PRKAR1B: variants seen among roughly 807,000 people sequenced by gnomAD.
The protein encoded by PRKAR1B is cAMP-dependent protein kinase type I-beta regulatory subunit.
In PRKAR1B, 22 loss-of-function variants were observed where a neutral mutation model predicts 46.5. The ratio of observed to expected loss-of-function variants is 0.47; its 90% CI spans 0.34 to 0.68. The LOEUF (loss-of-function observed/expected upper bound fraction) is 0.68. PRKAR1B is among the 30% of genes least tolerant of loss of function. The pLI, the probability that PRKAR1B is intolerant of heterozygous loss-of-function variation, is 0.01. For missense variants in PRKAR1B, 445 were observed against 535.6 expected, an observed-to-expected ratio of 0.83 and a Z score of 1.67; for synonymous variants, 259 against 217.7, an observed-to-expected ratio of 1.19 and a Z score of -1.67.
At chr7:588,629 G>GATA (rs1780759992) in intron 7 of PRKAR1B, among the ~76,000 whole-genome samples, 1 of 143,840 alleles carries the variant, frequency 7.0e-6, no homozygotes. Flanking sequence ...TGGTGATGGT[G>GATA]GTGATGGTGA....
intron 4 of PRKAR1B, among the ~76,000 whole-genome samples, chr7:617,854 G>A (rs929057305): frequency 6.6e-6 from 1 of 152,168 alleles, no homozygotes; most frequent in African/African-American, 2.4e-5. Context: ...GCTGGAACTC[G>A]CAGCCTCTAT....
intron 9 of PRKAR1B, among the ~76,000 whole-genome samples, chr7:555,150 G>A (rs529682942): frequency 6.6e-6 from 1 of 152,208 alleles, no homozygotes; most frequent in East Asian, 1.9e-4. Flanking sequence ...GCCAGAGAGG[G>A]TCTCACGCTT....
intron 2 of PRKAR1B, among the ~76,000 whole-genome samples, chr7:698,475 C>T (rs1431317572): frequency 1.3e-5 from 2 of 151,352 alleles, no homozygotes; most frequent in Admixed American, 1.3e-4. Flanking sequence ...TATCTAGGTA[C>T]GTATGTGTTA....
chr7:615,300 C>T (rs1782738348), intron 4 of PRKAR1B, among the ~76,000 whole-genome samples: 1 of 151,578 alleles, frequency 6.6e-6, no homozygotes, highest in Admixed American at 6.6e-5. Context: ...TGATGGGCGC[C>T]TGTAATCCCA....
chr7:685,884 A>T (rs1376897329), intron 2 of PRKAR1B, among the ~76,000 whole-genome samples: 3 of 152,214 alleles, frequency 2.0e-5, no homozygotes, highest in Non-Finnish European at 2.9e-5. Flanking sequence ...CTAGTTTTTT[A>T]AAAAATATAT....
intron 4 of PRKAR1B, among the ~76,000 whole-genome samples, chr7:660,620 C>G (rs138321247): frequency 6.4e-5 from 7 of 109,374 alleles, no homozygotes; most frequent in East Asian, 3.5e-4. Context: ...TACTCTCCCC[C>G]CCATAGCACA....
Position 685,286 on chromosome 7 carries a change from ATATGTATACATATATATATACG to A in PRKAR1B, c.178-4582_178-4561del, listed in dbSNP as rs1294477526. Among the ~76,000 whole-genome samples the A allele has an allele frequency of 3.3e-3, 39 of 11,708 alleles. 6 individuals carry two copies. The highest frequency in any genetic ancestry group is 0.028 in the South Asian group (7 of 250). The allele number at this position is 11,708 out of a possible 152,430, so 7.7% of individuals were successfully genotyped here. On this transcript the variant is annotated intron_variant, in intron 2 of 10. Transcript: ENST00000537384. ...CATATATACGTATATATACGTATAT[ATATGTATACATATATATATACG>A]TATATATACGTATATATACGTATAT... is the stretch of plus-strand genomic sequence containing the variant.
chr7:722,917 T>C (rs1781123763), intron 1 of PRKAR1B, among the ~76,000 whole-genome samples: 1 of 150,476 alleles, frequency 6.6e-6, no homozygotes, highest in Admixed American at 6.6e-5. Context: ...GTTTTTGTGG[T>C]CTGTCATTCC....
At chr7:616,892 A>T (rs904887909) in intron 4 of PRKAR1B, among the ~76,000 whole-genome samples, 2 of 152,128 alleles carry the variant, frequency 1.3e-5, no homozygotes, top group Non-Finnish European at 2.9e-5. Context: ...TTCTCCATCC[A>T]ATCAAAACAG....
rs150854806 is a variant in PRKAR1B, at chr7:561,405, T to C, written c.892-9935A>G. 3.8e-3 allele frequency among the ~76,000 whole-genome samples: 577 copies of C among 152,318 alleles called. 6 individuals carry two copies. Among genetic ancestry groups the C allele is most frequent in the African/African-American group, 0.013 (543 of 41,572 alleles). On this transcript the variant is annotated intron_variant, in intron 9 of 10. Transcript: ENST00000537384. ...TTTTTATGTTTTTTTAAGCAACCGT[T>C]GCAATAACTGTTTTTTCCACATGGA...
At chr7:679,962 T>C (rs548045136) in intron 3 of PRKAR1B, among the ~76,000 whole-genome samples, 1 of 151,940 alleles carries the variant, frequency 6.6e-6, no homozygotes, top group African/African-American at 2.4e-5. Context: ...ATTGAGACCA[T>C]CCTGGCTAAC....
At chr7:633,013 C>T (rs919368568) in intron 4 of PRKAR1B, among the ~76,000 whole-genome samples, 2 of 152,240 alleles carry the variant, frequency 1.3e-5, no homozygotes, top group Non-Finnish European at 2.9e-5. Flanking sequence ...GCGCGCGGGT[C>T]GTAGTGAGAT....
intron 2 of PRKAR1B, among the ~76,000 whole-genome samples, chr7:702,451 T>G (rs773821837): frequency 6.6e-6 from 1 of 152,184 alleles, no homozygotes; most frequent in Non-Finnish European, 1.5e-5. Context: ...GGTTGAAAAC[T>G]TGCCAAATTT....
chr7:576,264 C>T (rs1281962247), intron 9 of PRKAR1B, among the ~76,000 whole-genome samples: 2 of 152,206 alleles, frequency 1.3e-5, no homozygotes, highest in Non-Finnish European at 2.9e-5. Context: ...GGAATCACGG[C>T]TGGGGTCACT....
chr7:679,112 G>A (rs1212879724), intron 3 of PRKAR1B, among the ~76,000 whole-genome samples: 2 of 152,154 alleles, frequency 1.3e-5, no homozygotes, highest in East Asian at 3.8e-4. Context: ...TAAATGTTTT[G>A]TTTTCAAATA....
At chr7:556,904 C>T (rs1778478655) in intron 9 of PRKAR1B, among the ~76,000 whole-genome samples, 1 of 152,228 alleles carries the variant, frequency 6.6e-6, no homozygotes, top group Non-Finnish European at 1.5e-5. Context: ...CCTCCCCCGG[C>T]TCCCAGGGTA....
chr7:575,969 A>G (rs549827377), intron 9 of PRKAR1B, among the ~76,000 whole-genome samples: 1 of 151,904 alleles, frequency 6.6e-6, no homozygotes, highest in South Asian at 2.1e-4. Context: ...TCCTCTGCTC[A>G]TGGGCAAATG....
intron 9 of PRKAR1B, among the ~76,000 whole-genome samples, chr7:572,245 A>C (rs897479386): frequency 6.6e-6 from 1 of 152,200 alleles, no homozygotes; most frequent in African/African-American, 2.4e-5. Flanking sequence ...TTCACAACCC[A>C]CAGGCCTGCG....
At chr7:660,771 T>C (rs1455096286) in intron 4 of PRKAR1B, among the ~76,000 whole-genome samples, 2 of 85,084 alleles carry the variant, frequency 2.4e-5, no homozygotes, top group Non-Finnish European at 4.4e-5. Context: ...CTCCCCTCCA[T>C]AGCACAGGTC....
Sources: gnomAD v4.1 joint callset for allele counts (sites outside exome capture counted in the v4.1 genomes callset) on GRCh38, gnomAD v4.1.1 for gene constraint, MANE v1.5 for transcripts, NCBI Gene and HGNC (gene_info 2026-07-23, HGNC 2026-07-21) for gene names.